Variants in SWT1 observed in about 807,000 individuals in gnomAD.
SWT1 encodes SWT1 RNA endoribonuclease homolog, also known as transcriptional protein SWT1.
SWT1 carries 33 observed loss-of-function variants against 107.3 expected under a neutral mutation model. That is an observed-to-expected ratio of 0.31 (90% CI 0.23 to 0.41). SWT1 has a LOEUF of 0.41. SWT1 is among the 10% of genes least tolerant of loss of function. SWT1 has a pLI of 1.00. For synonymous variants in SWT1, 345 were observed against 348.3 expected (o/e 0.99, Z 0.11); for missense variants, 898 against 1,028.9 (o/e 0.87, Z 1.74).
At chr1:185,222,168 C>A in intron 15 of SWT1, 132 bp downstream of exon 15, 1 of 540,290 alleles carries the variant, frequency 1.9e-6, no homozygotes, top group Non-Finnish European at 2.9e-6. Flanking sequence ...TCAAATCAGG[C>A]TAGTGAGCCT....
At chr1:185,220,523 T>C (rs1659576997) in intron 14 of SWT1, among the ~76,000 whole-genome samples, 2 of 152,252 alleles carry the variant, frequency 1.3e-5, no homozygotes, top group Middle Eastern at 3.4e-3. Flanking sequence ...GTTCCTACTT[T>C]TCCCCCTTCA....
chr1:185,186,198 T>TTGATAAGACTTATCA (rs1656450866), intron 9 of SWT1, among the ~76,000 whole-genome samples: 1 of 152,226 alleles, frequency 6.6e-6, no homozygotes, highest in South Asian at 2.1e-4. Context: ...CCTCATTATA[T>TTGATAAGACTTATCA]GAAAAGCTTA....
At chr1:185,211,179 T>C (rs1009688004) in intron 13 of SWT1, among the ~76,000 whole-genome samples, 3 of 152,120 alleles carry the variant, frequency 2.0e-5, no homozygotes, top group African/African-American at 7.2e-5. Flanking sequence ...CTTCACAGAA[T>C]TGGAAAAAAA....
chr1:185,275,794 C>T (rs943011054), intron 17 of SWT1, among the ~76,000 whole-genome samples: 1 of 151,980 alleles, frequency 6.6e-6, no homozygotes, highest in African/African-American at 2.4e-5. Flanking sequence ...TGCCAATAAG[C>T]AATACATTGA....
intron 18 of SWT1, among the ~76,000 whole-genome samples, chr1:185,279,233 T>A (rs924361683): frequency 6.6e-6 from 1 of 152,196 alleles, no homozygotes; most frequent in African/African-American, 2.4e-5. Flanking sequence ...TTAGCCGTAT[T>A]TTTTAGTGTA....
At chr1:185,162,742 T>C (rs186366186) in intron 2 of SWT1, among the ~76,000 whole-genome samples, 72 of 152,256 alleles carry the variant, frequency 4.7e-4, no homozygotes, top group Non-Finnish European at 7.8e-4. Context: ...CATGAATTTT[T>C]TGTTTATCCA....
intron 16 of SWT1, among the ~76,000 whole-genome samples, chr1:185,256,011 A>G (rs1340330458): frequency 6.6e-6 from 1 of 151,770 alleles, no homozygotes; most frequent in East Asian, 2.0e-4. Flanking sequence ...GCTTGTCTGT[A>G]AAGTATTTTA....
In SWT1 at chr1:185,160,863, G is replaced by A. The variant is rs748164983; in HGVS notation, c.22G>A (p.Gly8Arg). MSSKESCGKKETSQRKDT... is the reference protein window; with the variant it reads MSSKESCRKKETSQRKDT... ...CAGGATGTCCAGCAAAGAATCCTGT[G>A]GGAAAAAAGAGACATCTCAGAGGAA... Residue 8 changes from glycine (G) to arginine (R), a missense_variant, in exon 2 of 19, where the codon GGG becomes AGG. Transcript: ENST00000367500. The A allele has an allele frequency of 6.2e-7, 1 of 1,612,328 alleles. No individual in the cohort carries two copies. The highest frequency in any genetic ancestry group is 1.3e-5 in the African/African-American group (1 of 74,760).
chr1:185,165,735 T>A (rs888411067), intron 2 of SWT1, among the ~76,000 whole-genome samples: 8 of 152,184 alleles, frequency 5.3e-5, no homozygotes, highest in African/African-American at 1.7e-4. Flanking sequence ...CCCCTGACAC[T>A]CTCCTGACAT....
chr1:185,163,873 C>T (rs1654362758), intron 2 of SWT1, among the ~76,000 whole-genome samples: 1 of 152,146 alleles, frequency 6.6e-6, no homozygotes, highest in Admixed American at 6.5e-5. Flanking sequence ...GACCTACTCC[C>T]ACAAATCATG....
chr1:185,257,065 T>C (rs1348851044), intron 16 of SWT1, among the ~76,000 whole-genome samples: 2 of 152,076 alleles, frequency 1.3e-5, no homozygotes, highest in Non-Finnish European at 2.9e-5. Context: ...GTGCCCCTGC[T>C]GGGGGGTGCC....
At chr1:185,253,632 A>G (rs1249285736) in intron 16 of SWT1, among the ~76,000 whole-genome samples, 1 of 151,918 alleles carries the variant, frequency 6.6e-6, no homozygotes, top group Non-Finnish European at 1.5e-5. Flanking sequence ...TTGATTTTGT[A>G]TCCTGAGACT....
At chr1:185,197,476 T>C (rs1345928040) in intron 10 of SWT1, among the ~76,000 whole-genome samples, 2 of 152,216 alleles carry the variant, frequency 1.3e-5, no homozygotes, top group African/African-American at 4.8e-5. Flanking sequence ...GCTGGCCTCA[T>C]GCGTTAGGGA....
rs140319838 is a variant in SWT1 at position 185,222,366 on chromosome 1, A to C, written c.2309+330A>C. 8.4e-4 allele frequency among the ~76,000 whole-genome samples: 128 copies of C among 152,242 alleles called. 2 individuals carry two copies. The East Asian group carries it at 0.019, about 23-fold the overall frequency. ...TGCATTCATCCATTATTGGACACTT[A>C]GGTTGATTTCATATCTTGGCTATTG... is the stretch of plus-strand genomic sequence containing the variant. On this transcript the variant is annotated intron_variant, in intron 15 of 18. Coordinates refer to ENST00000367500, the MANE Select transcript of SWT1 (RefSeq NM_017673.7).
chr1:185,225,650 G>A (rs906571416), intron 15 of SWT1, among the ~76,000 whole-genome samples: 1 of 152,116 alleles, frequency 6.6e-6, no homozygotes, highest in East Asian at 1.9e-4. Context: ...GTACAGATTT[G>A]TAACTAAGGA....
intron 12 of SWT1, among the ~76,000 whole-genome samples, chr1:185,205,327 A>G (rs1658247431): frequency 6.6e-6 from 1 of 152,198 alleles, no homozygotes; most frequent in African/African-American, 2.4e-5. Context: ...TTTGACAATC[A>G]GTAAAACTCT....
intron 16 of SWT1, chr1:185,251,348 G>C (rs1420416050): frequency 1.3e-5 from 2 of 152,792 alleles, no homozygotes; most frequent in Non-Finnish European, 2.9e-5. Flanking sequence ...ACAACTAACT[G>C]ATCACAGACA....
chr1:185,228,167 G>GTATATATATATATATATA (rs1157576166), intron 15 of SWT1, among the ~76,000 whole-genome samples: 7 of 61,560 alleles, frequency 1.1e-4, no homozygotes, highest in African/African-American at 5.4e-4. Context: ...AAAAAAAAAT[G>GTATATATATATATATATA]TGTATATATA....
chr1:185,252,352 G>T (rs1166933249), intron 16 of SWT1, among the ~76,000 whole-genome samples: 1 of 152,202 alleles, frequency 6.6e-6, no homozygotes, highest in African/African-American at 2.4e-5. Flanking sequence ...CTGAGGAATT[G>T]CCACACTGAC....
Sources: allele counts gnomAD v4.1 joint callset (sites outside exome capture counted in the v4.1 genomes callset), GRCh38; gene constraint gnomAD v4.1.1; transcripts MANE v1.5; gene names NCBI Gene and HGNC (gene_info 2026-07-23, HGNC 2026-07-21).